The following EPB41L5 variants were observed in gnomAD, a reference collection of about 807,000 sequenced individuals.
EPB41L5 encodes the protein band 4.1-like protein 5.
Under a neutral mutation model 106.6 loss-of-function variants are expected in EPB41L5, and 55 were observed. That is an observed-to-expected ratio of 0.52 (90% CI 0.42 to 0.65). The LOEUF (loss-of-function observed/expected upper bound fraction) is 0.65. EPB41L5 is among the 30% of genes least tolerant of loss of function. The pLI, the probability that EPB41L5 is intolerant of heterozygous loss-of-function variation, is 0.00. For missense variants in EPB41L5, 871 were observed against 882.1 expected (o/e 0.99, Z 0.16); for synonymous variants, 297 against 306.7 (o/e 0.97, Z 0.33).
chr2:120,104,089 G>T, intron 16 of EPB41L5: 1 of 1,534,628 alleles, frequency 6.5e-7, no homozygotes, highest in Non-Finnish European at 8.7e-7. Context: ...TGCTGTCAAC[G>T]TGGTGGAAAC....
At chr2:120,022,017 A>G (rs1342869708) in intron 2 of EPB41L5, among the ~76,000 whole-genome samples, 4 of 152,202 alleles carry the variant, frequency 2.6e-5, no homozygotes, top group African/African-American at 9.6e-5. Context: ...AGTGAATGAC[A>G]AAGGTATCAG....
Position 120,105,597 on chromosome 2 carries a change from T to A in EPB41L5, c.1337+4783T>A, listed in dbSNP as rs188740785. On this transcript the variant is annotated intron_variant, in intron 16 of 24. Transcript: ENST00000263713. ...TGAAATTTGTAGGCAGGTTTCAATC[T>A]GAGTTTAGTATAATTATGTGTAAGA... 1.9e-5 allele frequency: 19 copies of A among 985,374 alleles called. No individual in the cohort carries two copies. In the East Asian group the frequency reaches 1.9e-3, roughly 100 times the overall value. 61.0% of individuals were successfully genotyped at this position (985,374 alleles called of 1,614,324 possible).
At chr2:120,130,104 CCA>C (rs1685628311) in intron 17 of EPB41L5, among the ~76,000 whole-genome samples, 1 of 149,426 alleles carries the variant, frequency 6.7e-6, no homozygotes, top group Non-Finnish European at 1.5e-5. Flanking sequence ...CGAGATGGCA[CCA>C]CTGTACTCCA....
chr2:120,040,179 A>G (rs943481725), intron 2 of EPB41L5, among the ~76,000 whole-genome samples: 9 of 152,106 alleles, frequency 5.9e-5, no homozygotes, highest in Non-Finnish European at 1.2e-4. Context: ...TATTTGAGAA[A>G]ACAATAGAGG....
intron 14 of EPB41L5, among the ~76,000 whole-genome samples, chr2:120,093,763 T>G (rs1337989548): frequency 6.6e-6 from 1 of 152,240 alleles, no homozygotes; most frequent in African/African-American, 2.4e-5. Flanking sequence ...AATGTCATTG[T>G]CTGGTTTTTT....
chr2:120,046,575 GT>G (rs1382970367), intron 3 of EPB41L5, among the ~76,000 whole-genome samples: 7 of 151,866 alleles, frequency 4.6e-5, no homozygotes, highest in Non-Finnish European at 5.9e-5. Context: ...TGTCAGATGG[GT>G]GGATTGCAAA....
intron 3 of EPB41L5, among the ~76,000 whole-genome samples, chr2:120,069,817 G>A (rs886132956): frequency 6.6e-6 from 1 of 152,122 alleles, no homozygotes; most frequent in Non-Finnish European, 1.5e-5. Flanking sequence ...CAGCTAAGCA[G>A]TGTTTAGAGG....
chr2:120,128,415 A>G (rs1685555569), intron 17 of EPB41L5, among the ~76,000 whole-genome samples: 1 of 152,152 alleles, frequency 6.6e-6, no homozygotes, highest in African/African-American at 2.4e-5. Flanking sequence ...TCTCACTGTA[A>G]TGCATGTTCA....
At chr2:120,136,864 T>C (rs966849266) in intron 18 of EPB41L5, among the ~76,000 whole-genome samples, 1 of 152,066 alleles carries the variant, frequency 6.6e-6, no homozygotes, top group South Asian at 2.1e-4. Context: ...AAAAATTGGA[T>C]TTAATCAGTG....
chr2:120,033,021 T>G (rs1018402356), intron 2 of EPB41L5, among the ~76,000 whole-genome samples: 2 of 152,232 alleles, frequency 1.3e-5, no homozygotes, highest in African/African-American at 4.8e-5. Flanking sequence ...CGTAATGAAA[T>G]TAAAAACTCT....
At chr2:120,120,323 A>G (rs540317430) in intron 16 of EPB41L5, among the ~76,000 whole-genome samples, 3 of 150,918 alleles carry the variant, frequency 2.0e-5, no homozygotes, top group African/African-American at 4.9e-5. Context: ...TCCCGGCTAC[A>G]TGGGAGGCTG....
intron 3 of EPB41L5, among the ~76,000 whole-genome samples, chr2:120,052,746 C>T (rs1680372013): frequency 2.0e-5 from 3 of 152,192 alleles, no homozygotes; most frequent in Non-Finnish European, 2.9e-5. Flanking sequence ...TACTCCAGCC[C>T]TGGAATTAGC....
intron 24 of EPB41L5, among the ~76,000 whole-genome samples, chr2:120,170,842 C>T (rs1032438929): frequency 6.6e-6 from 1 of 151,990 alleles, no homozygotes; most frequent in African/African-American, 2.4e-5. Context: ...TAATGGTTAC[C>T]CTTGATGTGC....
At chr2:120,172,466 T>C (rs758808178) in intron 24 of EPB41L5, among the ~76,000 whole-genome samples, 13 of 152,136 alleles carry the variant, frequency 8.5e-5, no homozygotes, top group South Asian at 8.3e-4. Flanking sequence ...GCTGGAGATA[T>C]TGGAGCAGTG....
chr2:120,111,813 G>A (rs56409722), intron 16 of EPB41L5, among the ~76,000 whole-genome samples: 643 of 152,000 alleles, frequency 4.2e-3, no homozygotes, highest in Middle Eastern at 0.014. Context: ...TCCTTGTCTC[G>A]GAGTAAAACC....
At chr2:120,131,752 C>A in intron 18 of EPB41L5, 37 bp downstream of exon 18, 1 of 1,348,454 alleles carries the variant, frequency 7.4e-7, no homozygotes, top group South Asian at 1.2e-5. Context: ...TGTTACACAT[C>A]TCCAGAGCTC....
At chr2:120,054,498 G>T (rs1233071027) in intron 3 of EPB41L5, among the ~76,000 whole-genome samples, 5 of 141,268 alleles carry the variant, frequency 3.5e-5, no homozygotes, top group African/African-American at 7.8e-5. Context: ...TCTTCTAAAA[G>T]TTTTTTTTTT....
intron 10 of EPB41L5, among the ~76,000 whole-genome samples, chr2:120,081,415 T>C (rs1298880025): frequency 2.6e-5 from 4 of 152,292 alleles, no homozygotes; most frequent in African/African-American, 9.6e-5. Context: ...GATTGGATGG[T>C]TGTAGATGTG....
intron 2 of EPB41L5, among the ~76,000 whole-genome samples, chr2:120,031,148 C>T (rs1448387771): frequency 1.3e-5 from 2 of 152,242 alleles, no homozygotes; most frequent in East Asian, 3.9e-4. Flanking sequence ...GGATTAAAGG[C>T]ATGAGCCACC....
Sources: gnomAD v4.1 joint callset for allele counts (sites outside exome capture counted in the v4.1 genomes callset) on GRCh38, gnomAD v4.1.1 for gene constraint, MANE v1.5 for transcripts, NCBI Gene and HGNC (gene_info 2026-07-23, HGNC 2026-07-21) for gene names.